WARS2: variants seen among roughly 807,000 people sequenced by gnomAD.
The protein encoded by WARS2 is tryptophanyl tRNA synthetase 2, mitochondrial, also known as tryptophan--tRNA ligase, mitochondrial.
Under a neutral mutation model 36.5 loss-of-function variants are expected in WARS2, and 28 were observed. The observed-to-expected ratio is 0.77, with a 90% CI of 0.57 to 1.05. WARS2 has a LOEUF of 1.05. Ranked by LOEUF, WARS2 falls within the 50% of genes least tolerant of loss-of-function variation. WARS2 has a pLI of 0.00. For synonymous variants in WARS2, 174 were observed against 178.4 expected, an observed-to-expected ratio of 0.98 and a Z score of 0.20; for missense variants, 435 against 456.8, an observed-to-expected ratio of 0.95 and a Z score of 0.44.
At chr1:119,093,502 G>C (rs1001514394) in intron 1 of WARS2, among the ~76,000 whole-genome samples, 8 of 82,796 alleles carry the variant, frequency 9.7e-5, no homozygotes, top group African/African-American at 4.5e-4. Context: ...GTCCTTAAAA[G>C]AAGAGAAGAC....
chr1:119,140,293 G>C, intron 1 of WARS2: 1 of 353,522 alleles, frequency 2.8e-6, no homozygotes. Context: ...CAGCGGCGGC[G>C]CTCCGCTCCC....
chr1:119,091,302 G>T (rs1653024983), intron 1 of WARS2, among the ~76,000 whole-genome samples: 1 of 152,152 alleles, frequency 6.6e-6, no homozygotes. Context: ...AGCTATAAAT[G>T]TATTATCTCA....
rs587715532 is a variant in WARS2 at position 119,096,472 on chromosome 1, T to A, written c.91-19865A>T. ...ATTCTGATTTTATTTTTATATATTT[T>A]ATATCTTTAGATGGGTATATTCTAC... On this transcript the variant is annotated intron_variant, in intron 1 of 5. Coordinates refer to ENST00000235521, the MANE Select transcript of WARS2 (RefSeq NM_015836.4). 7.9e-5 allele frequency among the ~76,000 whole-genome samples: 12 copies of A among 152,280 alleles called. No homozygotes were observed. The East Asian group carries it at 2.1e-3, about 27-fold the overall frequency.
At chr1:119,137,887 T>C (rs1362556951) in intron 1 of WARS2, among the ~76,000 whole-genome samples, 1 of 152,130 alleles carries the variant, frequency 6.6e-6, no homozygotes, top group African/African-American at 2.4e-5. Context: ...ATGCCAACAT[T>C]TTTACCCAAG....
chr1:119,130,260 A>G, intron 1 of WARS2, among the ~76,000 whole-genome samples: 1 of 152,250 alleles, frequency 6.6e-6, no homozygotes, highest in East Asian at 1.9e-4. Flanking sequence ...TATAGATAAT[A>G]TGGCACACTT....
At chr1:119,127,536 T>C (rs1229633764) in intron 1 of WARS2, among the ~76,000 whole-genome samples, 3 of 152,208 alleles carry the variant, frequency 2.0e-5, no homozygotes, top group African/African-American at 4.8e-5. Context: ...TACCCATTTA[T>C]TGAGTGGAAG....
chr1:119,108,468 G>A (rs587690045), intron 1 of WARS2, among the ~76,000 whole-genome samples: 8 of 151,980 alleles, frequency 5.3e-5, no homozygotes, highest in African/African-American at 1.9e-4. Flanking sequence ...AAAGTTGTGG[G>A]CATAGGGTTG....
At chr1:119,045,860 A>G (rs1648765567) in intron 2 of WARS2, among the ~76,000 whole-genome samples, 198 bp from the exon 3 acceptor site, 1 of 152,128 alleles carries the variant, frequency 6.6e-6, no homozygotes, top group Non-Finnish European at 1.5e-5. Context: ...AAGCTAACTG[A>G]TTTGGTTATT....
intron 1 of WARS2, among the ~76,000 whole-genome samples, chr1:119,084,091 GCT>G (rs1329539530): frequency 6.6e-6 from 1 of 151,494 alleles, no homozygotes; most frequent in Non-Finnish European, 1.5e-5. Flanking sequence ...GACGATCAGA[GCT>G]CACTGCAGCC....
chr1:119,050,509 C>T (rs1649252306), intron 2 of WARS2, among the ~76,000 whole-genome samples: 1 of 151,818 alleles, frequency 6.6e-6, no homozygotes, highest in Non-Finnish European at 1.5e-5. Flanking sequence ...TGCTATAGTA[C>T]CTAGGGCATG....
intron 2 of WARS2, among the ~76,000 whole-genome samples, chr1:119,067,810 T>C (rs1290158496): frequency 6.6e-6 from 1 of 150,654 alleles, no homozygotes; most frequent in Non-Finnish European, 1.5e-5. Context: ...TCAAAGCCTC[T>C]ATTTTTTTTT....
At chr1:119,085,583 C>T in intron 1 of WARS2, 1 of 1,577,912 alleles carries the variant, frequency 6.3e-7, no homozygotes, top group Non-Finnish European at 8.7e-7. Flanking sequence ...TCACATCATC[C>T]ATTTCTTCTG....
chr1:119,077,215 A>G (rs989011059), intron 1 of WARS2, among the ~76,000 whole-genome samples: 2 of 151,856 alleles, frequency 1.3e-5, no homozygotes, highest in Admixed American at 1.3e-4. Context: ...TTATGAAAAG[A>G]TAAGTAAAGG....
At chr1:119,082,323 A>G (rs1652256523) in intron 1 of WARS2, 1 of 985,412 alleles carries the variant, frequency 1.0e-6, no homozygotes. Flanking sequence ...TATTTTCCTT[A>G]CACGTGCTGT....
chr1:119,080,257 C>G (rs2101343671), intron 1 of WARS2, among the ~76,000 whole-genome samples: 1 of 152,156 alleles, frequency 6.6e-6, no homozygotes, highest in South Asian at 2.1e-4. Flanking sequence ...GTTATAAAGA[C>G]CAGGAATTTT....
chr1:119,091,678 A>G (rs944957730), intron 1 of WARS2, among the ~76,000 whole-genome samples: 1 of 152,196 alleles, frequency 6.6e-6, no homozygotes, highest in African/African-American at 2.4e-5. Flanking sequence ...TGACAAGGAC[A>G]GTGGTTCTTA....
chr1:119,135,420 A>T (rs140967853), intron 1 of WARS2, among the ~76,000 whole-genome samples: 2 of 152,182 alleles, frequency 1.3e-5, no homozygotes, highest in Admixed American at 1.3e-4. Flanking sequence ...GGATTCATGT[A>T]AGATTTCATT....
At chr1:119,111,358 G>C (rs904333985) in intron 1 of WARS2, among the ~76,000 whole-genome samples, 3 of 152,116 alleles carry the variant, frequency 2.0e-5, no homozygotes, top group African/African-American at 7.2e-5. Context: ...TGTGAAATTC[G>C]CAAGTGCTTT....
At chr1:119,065,199 C>T (rs1280690629) in intron 2 of WARS2, among the ~76,000 whole-genome samples, 1 of 151,890 alleles carries the variant, frequency 6.6e-6, no homozygotes, top group African/African-American at 2.4e-5. Flanking sequence ...AGTGAAAATA[C>T]TATAACATAT....
Sources: allele counts gnomAD v4.1 joint callset (sites outside exome capture counted in the v4.1 genomes callset), GRCh38; gene constraint gnomAD v4.1.1; transcripts MANE v1.5; gene names NCBI Gene and HGNC (gene_info 2026-07-23, HGNC 2026-07-21).